Variants in SHISAL1 observed in about 807,000 individuals in gnomAD.
The protein encoded by SHISAL1 is protein shisa-like-1.
Under a neutral mutation model 22.6 loss-of-function variants are expected in SHISAL1, and 9 were observed. That is an observed-to-expected ratio of 0.40 (90% CI 0.24 to 0.70). SHISAL1 has a LOEUF of 0.70. Among genes scored for constraint, SHISAL1 ranks in the 30% least tolerant of loss-of-function variants. The pLI is 0.39. For synonymous variants in SHISAL1, 119 were observed against 115.4 expected (o/e 1.03, Z -0.20); for missense variants, 246 against 270.6 (o/e 0.91, Z 0.64).
At chr22:44,294,249 C>A (rs2055371464) in intron 3 of SHISAL1, among the ~76,000 whole-genome samples, 1 of 152,156 alleles carries the variant, frequency 6.6e-6, no homozygotes, top group Non-Finnish European at 1.5e-5. Context: ...AAGGGCTGAG[C>A]AGATGGCGAG....
At chr22:44,297,110 G>A (rs911321536) in intron 2 of SHISAL1, among the ~76,000 whole-genome samples, 20 of 152,174 alleles carry the variant, frequency 1.3e-4, no homozygotes, top group African/African-American at 4.3e-4. Context: ...TGGAGGGCAG[G>A]GCTGGCTCTC....
At chr22:44,275,708 C>T (rs559870100) in intron 4 of SHISAL1, among the ~76,000 whole-genome samples, 1 of 152,332 alleles carries the variant, frequency 6.6e-6, no homozygotes, top group Admixed American at 6.5e-5. Flanking sequence ...AGCTGCCGTG[C>T]AGTTCCCAGC....
At chr22:44,300,162 CAG>C (rs539345332) in intron 2 of SHISAL1, among the ~76,000 whole-genome samples, 1 of 150,522 alleles carries the variant, frequency 6.6e-6, no homozygotes, top group South Asian at 2.1e-4. Flanking sequence ...GAGACAGAGA[CAG>C]AGAGAGATAG....
intron 4 of SHISAL1, among the ~76,000 whole-genome samples, chr22:44,265,687 A>G (rs2055157069): frequency 6.6e-6 from 1 of 152,246 alleles, no homozygotes; most frequent in Non-Finnish European, 1.5e-5. Context: ...AAGGCTTCAC[A>G]GCAGAGCTAG....
At chr22:44,281,978 G>A (rs1040239334) in intron 4 of SHISAL1, among the ~76,000 whole-genome samples, 4 of 152,226 alleles carry the variant, frequency 2.6e-5, no homozygotes, top group Admixed American at 2.6e-4. Context: ...CCAGCCAGCT[G>A]GCAGGAAAAT....
the SHISAL1 span, among the ~76,000 whole-genome samples, chr22:44,324,556 C>A: frequency 6.6e-6 from 1 of 152,252 alleles, no homozygotes; most frequent in Non-Finnish European, 1.5e-5. Context: ...TGAATGCACA[C>A]TGTGCTAACT....
At chr22:44,275,377 C>T (rs556081576) in intron 4 of SHISAL1, among the ~76,000 whole-genome samples, 8 of 152,328 alleles carry the variant, frequency 5.3e-5, no homozygotes, top group African/African-American at 1.9e-4. Flanking sequence ...TGGCAGCCCG[C>T]GAAGGGGCCG....
chr22:44,296,068 G>T (rs1205550140), intron 3 of SHISAL1, among the ~76,000 whole-genome samples: 1 of 152,198 alleles, frequency 6.6e-6, no homozygotes, highest in African/African-American at 2.4e-5. Flanking sequence ...CGCCTTCTAC[G>T]CCTGAAAGCT....
chr22:44,304,405 G>A (rs1388067412), intron 1 of SHISAL1, among the ~76,000 whole-genome samples: 5 of 152,252 alleles, frequency 3.3e-5, no homozygotes, highest in East Asian at 3.8e-4. Flanking sequence ...GAGCTGGGAC[G>A]TCAGGTGCTG....
chr22:44,261,310 A>G (rs371700195), intron 4 of SHISAL1, among the ~76,000 whole-genome samples: 3 of 151,786 alleles, frequency 2.0e-5, no homozygotes, highest in African/African-American at 7.3e-5. Flanking sequence ...TCTTCACACT[A>G]CTGGGAATAC....
the SHISAL1 span, among the ~76,000 whole-genome samples, chr22:44,320,751 G>C: frequency 7.6e-4 from 115 of 152,314 alleles, 1 homozygote; most frequent in African/African-American, 2.2e-3. Context: ...GCAGGTGATG[G>C]AGGAAGGGCT....
At chr22:44,292,683 C>T (rs918024439) in intron 3 of SHISAL1, among the ~76,000 whole-genome samples, 4 of 152,238 alleles carry the variant, frequency 2.6e-5, no homozygotes, top group Admixed American at 6.5e-5. Flanking sequence ...CCCTGCATCC[C>T]GCTCCCCAAG....
upstream of SHISAL1, among the ~76,000 whole-genome samples, chr22:44,313,431 T>C (rs2055534692): frequency 4.6e-5 from 7 of 152,190 alleles, no homozygotes; most frequent in Admixed American, 4.6e-4. Flanking sequence ...AGAGGGTGTG[T>C]GGCACCTGCC....
intron 1 of SHISAL1, among the ~76,000 whole-genome samples, chr22:44,305,577 G>A (rs1296551004): frequency 1.3e-5 from 2 of 152,238 alleles, no homozygotes; most frequent in East Asian, 3.8e-4. Flanking sequence ...GGGCTTAGGA[G>A]TTCCAGGGAC....
chr22:44,268,777 G>T (rs576542359), intron 4 of SHISAL1, among the ~76,000 whole-genome samples: 11 of 152,292 alleles, frequency 7.2e-5, no homozygotes, highest in African/African-American at 2.6e-4. Flanking sequence ...AGGTGAATGG[G>T]TGTGGGTAAG....
At chr22:44,323,663 C>T in the SHISAL1 span, among the ~76,000 whole-genome samples, 6 of 148,398 alleles carry the variant, frequency 4.0e-5, no homozygotes, top group East Asian at 2.0e-4. Context: ...ATCCATCCAT[C>T]CATCCATCCA....
chr22:44,301,400 A>G (rs8137744), intron 1 of SHISAL1, among the ~76,000 whole-genome samples: 91,832 of 151,922 alleles, frequency 0.6, 28,415 homozygotes, highest in African/African-American at 0.72. Flanking sequence ...GAACCCCTCC[A>G]CAAGTATGCA....
intron 4 of SHISAL1, among the ~76,000 whole-genome samples, chr22:44,260,502 C>T (rs562213293): frequency 6.6e-6 from 1 of 152,264 alleles, no homozygotes; most frequent in South Asian, 2.1e-4. Context: ...AGCCCAGGGG[C>T]TGAGGGAAGA....
intron 3 of SHISAL1, among the ~76,000 whole-genome samples, chr22:44,286,959 AGTGTCCGGCCT>A (rs368989398): frequency 0.011 from 1,634 of 152,322 alleles, 28 homozygotes; most frequent in African/African-American, 0.038. Context: ...GAATGGAGCC[AGTGTCCGGCCT>A]GTACACGCCA....
Sources: gnomAD v4.1 joint callset for allele counts (sites outside exome capture counted in the v4.1 genomes callset) on GRCh38, gnomAD v4.1.1 for gene constraint, MANE v1.5 for transcripts, NCBI Gene and HGNC (gene_info 2026-07-23, HGNC 2026-07-21) for gene names.